MACROD2: variants seen among roughly 807,000 people sequenced by gnomAD.
MACROD2 encodes the protein ADP-ribose glycohydrolase MACROD2.
MACROD2 carries 36 observed loss-of-function variants against 70.4 expected under a neutral mutation model. The observed-to-expected ratio is 0.51, with a 90% CI of 0.39 to 0.68. The LOEUF is 0.68. Among genes scored for constraint, MACROD2 ranks in the 30% least tolerant of loss-of-function variants. The pLI, the probability that MACROD2 is intolerant of heterozygous loss-of-function variation, is 0.00. For missense variants in MACROD2, 496 were observed against 538.4 expected, an observed-to-expected ratio of 0.92 and a Z score of 0.78; for synonymous variants, 172 against 178.8, an observed-to-expected ratio of 0.96 and a Z score of 0.30.
rs573855904 is a variant in MACROD2 at position 14,345,751 on chromosome 20, GACA to G, written c.272-147723_272-147721del. 2.8e-3 allele frequency among the ~76,000 whole-genome samples: 431 copies of G among 151,646 alleles called. 2 individuals carry two copies. Among genetic ancestry groups the G allele is most frequent in the African/African-American group, 9.8e-3 (404 of 41,358 alleles). On this transcript the variant is annotated intron_variant, in intron 3 of 17. Coordinates refer to ENST00000684519, the MANE Select transcript of MACROD2 (RefSeq NM_001351661.2). ...GGCCTGAAGATGATTTTTCTATAAG[GACA>G]ACAAGTTGTTCATTATTTAGAGTTG...
At chr20:15,084,077 T>TTTTTTTTTTTTTTTTTTTTTTTTTATTG (rs1555780896) in intron 5 of MACROD2, among the ~76,000 whole-genome samples, 1 of 145,706 alleles carries the variant, frequency 6.9e-6, no homozygotes, top group African/African-American at 2.6e-5. Flanking sequence ...TTTTTGTTTT[T>TTTTTTTTTTTTTTTTTTTTTTTTTATTG]TTTTTTTAAT....
At chr20:14,157,418 C>A (rs957911212) in intron 3 of MACROD2, among the ~76,000 whole-genome samples, 1 of 152,080 alleles carries the variant, frequency 6.6e-6, no homozygotes, top group East Asian at 1.9e-4. Flanking sequence ...GTCCTCTCTT[C>A]TAGTTACATT....
intron 8 of MACROD2, among the ~76,000 whole-genome samples, chr20:15,629,220 C>T (rs1422870525): frequency 6.6e-6 from 1 of 152,164 alleles, no homozygotes; most frequent in Admixed American, 6.5e-5. Flanking sequence ...TGCACTCTTG[C>T]CAGCAGTGTA....
At position 14,767,648 on chromosome 20, in the gene MACROD2, A is replaced by T. The variant is rs181091455; in HGVS notation, c.418+82689A>T. 2.8e-3 allele frequency among the ~76,000 whole-genome samples: 426 copies of T among 151,556 alleles called. 2 individuals carry two copies. The highest frequency in any genetic ancestry group is 7.5e-3 in the African/African-American group (309 of 41,264). ...TAATTTACTTTCTTTCTTTTTTTTA[A>T]AAAAAATTATATTTTAAGTTCTGGA... On this transcript the variant is annotated intron_variant, in intron 5 of 17. Transcript: ENST00000684519.
intron 5 of MACROD2, chr20:14,850,628 A>T (rs1248172586): frequency 1.3e-5 from 2 of 152,156 alleles, no homozygotes; most frequent in African/African-American, 4.8e-5. Flanking sequence ...ACTTACTGGT[A>T]GGTTTCCAAA....
chr20:16,028,058 G>A (rs761848749), intron 15 of MACROD2, among the ~76,000 whole-genome samples: 7 of 152,246 alleles, frequency 4.6e-5, no homozygotes, highest in Non-Finnish European at 1.0e-4. Context: ...TAAGCCAAAT[G>A]TGATGACACC....
At chr20:14,858,050 A>T (rs1486283063) in intron 5 of MACROD2, among the ~76,000 whole-genome samples, 1 of 152,022 alleles carries the variant, frequency 6.6e-6, no homozygotes, top group Non-Finnish European at 1.5e-5. Flanking sequence ...CATACTCCTG[A>T]TCTCAGGTGA....
intron 5 of MACROD2, among the ~76,000 whole-genome samples, chr20:15,146,340 T>C (rs1488958073): frequency 6.6e-6 from 1 of 152,306 alleles, no homozygotes; most frequent in East Asian, 1.9e-4. Context: ...CTGATCCTTA[T>C]TTATTTACTT....
chr20:14,194,796 G>A (rs2081416645), intron 3 of MACROD2, among the ~76,000 whole-genome samples: 1 of 152,204 alleles, frequency 6.6e-6, no homozygotes, highest in Non-Finnish European at 1.5e-5. Flanking sequence ...TGCCTAGAGA[G>A]AGAATTACAT....
At chr20:14,600,945 A>G (rs183688273) in intron 4 of MACROD2, among the ~76,000 whole-genome samples, 11 of 152,330 alleles carry the variant, frequency 7.2e-5, no homozygotes, top group Admixed American at 6.5e-4. Flanking sequence ...GAGAGAGAGC[A>G]CAGGCTTTGC....
At position 15,854,983 on chromosome 20, in the gene MACROD2, G is replaced by A. The variant is rs557546923; in HGVS notation, c.646-7762G>A. On this transcript the variant is annotated intron_variant, in intron 8 of 17. Transcript: ENST00000684519. ...CTCTTTCATGAAGGCTGGGACTTAAGCCCAGCTGTCCATCAGGCTATATTT... is the reference window on the plus strand; with the variant it reads ...CTCTTTCATGAAGGCTGGGACTTAAACCCAGCTGTCCATCAGGCTATATTT... Among the ~76,000 whole-genome samples, 29 of 152,302 alleles carry A rather than the reference G, an allele frequency of 1.9e-4. No homozygotes were observed. The East Asian group carries it at 4.1e-3, about 21-fold the overall frequency.
At chr20:14,727,755 C>A (rs1180408370) in intron 5 of MACROD2, among the ~76,000 whole-genome samples, 1 of 152,144 alleles carries the variant, frequency 6.6e-6, no homozygotes, top group African/African-American at 2.4e-5. Flanking sequence ...TTTCATAACA[C>A]AGGAGAATCT....
intron 2 of MACROD2, among the ~76,000 whole-genome samples, chr20:14,073,519 C>T (rs908398953): frequency 1.3e-5 from 2 of 152,060 alleles, no homozygotes; most frequent in African/African-American, 4.8e-5. Context: ...AGATAATACT[C>T]AGTTGTATTC....
chr20:15,121,525 A>AAAG (rs2076030775), intron 5 of MACROD2, among the ~76,000 whole-genome samples: 3 of 151,428 alleles, frequency 2.0e-5, no homozygotes, highest in Admixed American at 1.3e-4. Flanking sequence ...AAAAAAAAAA[A>AAAG]AAAAAGAAAA....
intron 3 of MACROD2, among the ~76,000 whole-genome samples, chr20:14,347,051 C>G (rs1298938643): frequency 6.6e-6 from 1 of 152,132 alleles, no homozygotes; most frequent in East Asian, 1.9e-4. Flanking sequence ...GTGAGAAGGT[C>G]AGCAACAATT....
At chr20:15,372,541 T>C (rs1195061860) in intron 6 of MACROD2, among the ~76,000 whole-genome samples, 14 of 152,210 alleles carry the variant, frequency 9.2e-5, no homozygotes, top group Admixed American at 9.2e-4. Flanking sequence ...CTCATTTTTT[T>C]CCCTAGTAGG....
At chr20:14,778,598 G>C (rs922775255) in intron 5 of MACROD2, among the ~76,000 whole-genome samples, 1 of 152,084 alleles carries the variant, frequency 6.6e-6, no homozygotes, top group Non-Finnish European at 1.5e-5. Context: ...GTTTGGGGGC[G>C]TAATCTTAGT....
chr20:14,440,298 G>A, intron 3 of MACROD2, among the ~76,000 whole-genome samples: 1 of 152,122 alleles, frequency 6.6e-6, no homozygotes, highest in East Asian at 1.9e-4. Context: ...ATGTTTGAAT[G>A]CAGCCCAACA....
intron 12 of MACROD2, among the ~76,000 whole-genome samples, chr20:15,964,823 A>G (rs41385246): frequency 0.023 from 3,559 of 152,268 alleles, 141 homozygotes; most frequent in African/African-American, 0.082. Flanking sequence ...ACCATCTTCC[A>G]TAGGTACCTG....
Sources: allele counts gnomAD v4.1 joint callset (sites outside exome capture counted in the v4.1 genomes callset), GRCh38; gene constraint gnomAD v4.1.1; transcripts MANE v1.5; gene names NCBI Gene and HGNC (gene_info 2026-07-23, HGNC 2026-07-21).